The following KIFAP3 variants were observed in gnomAD, a reference collection of about 807,000 sequenced individuals.
The protein encoded by KIFAP3 is kinesin-associated protein 3.
KIFAP3 carries 68 observed loss-of-function variants against 106.5 expected under a neutral mutation model. That is an observed-to-expected ratio of 0.64 (90% CI 0.53 to 0.78). KIFAP3 has a LOEUF of 0.78. Among genes scored for constraint, KIFAP3 ranks in the 30% least tolerant of loss-of-function variants. The probability of loss-of-function intolerance (pLI) is 0.00; values close to 1 mark genes in which losing one functional copy is unlikely to be tolerated. For missense variants in KIFAP3, 780 were observed against 941.8 expected (o/e 0.83, Z 2.25); for synonymous variants, 320 against 311.5 (o/e 1.03, Z -0.29).
upstream of KIFAP3, among the ~76,000 whole-genome samples, chr1:170,079,082 A>C (rs1479997219): frequency 6.6e-6 from 1 of 152,198 alleles, no homozygotes; most frequent in African/African-American, 2.4e-5. Context: ...CCAATGTTGG[A>C]GACAGGGCCT....
At chr1:170,079,008 AT>A (rs1557885677), upstream of KIFAP3, among the ~76,000 whole-genome samples, 1 of 152,176 alleles carries the variant, frequency 6.6e-6, no homozygotes, top group African/African-American at 2.4e-5. Context: ...CCAATAATTA[AT>A]TTGCCATATT....
chr1:170,026,147 T>C (rs1247777134), intron 8 of KIFAP3, among the ~76,000 whole-genome samples: 1 of 152,076 alleles, frequency 6.6e-6, no homozygotes, highest in Non-Finnish European at 1.5e-5. Flanking sequence ...CACCAAAAGC[T>C]AGAAAGAGAC....
chr1:170,029,104 G>A (rs2102036069), intron 8 of KIFAP3, among the ~76,000 whole-genome samples: 1 of 152,074 alleles, frequency 6.6e-6, no homozygotes, highest in African/African-American at 2.4e-5. Flanking sequence ...CATAAGAAAA[G>A]GTAGATTTCA....
At chr1:170,041,358 C>T (rs551189086) in intron 3 of KIFAP3, among the ~76,000 whole-genome samples, 1 of 152,032 alleles carries the variant, frequency 6.6e-6, no homozygotes, top group African/African-American at 2.4e-5. Flanking sequence ...TTTAAGAGCA[C>T]CAGCTGGGCA....
upstream of KIFAP3, chr1:170,074,750 T>A: frequency 1.5e-6 from 2 of 1,321,300 alleles, no homozygotes; most frequent in Non-Finnish European, 1.9e-6. Flanking sequence ...ATGCGCAGGC[T>A]CAGTCTGAGG....
At chr1:169,955,063 A>G (rs902658337) in intron 18 of KIFAP3, among the ~76,000 whole-genome samples, 3 of 152,196 alleles carry the variant, frequency 2.0e-5, no homozygotes, top group Non-Finnish European at 4.4e-5. Context: ...ACGTTAGTAT[A>G]CTGCTTTTGT....
At chr1:170,052,178 C>A (rs1557865842) in intron 2 of KIFAP3, among the ~76,000 whole-genome samples, 1 of 152,030 alleles carries the variant, frequency 6.6e-6, no homozygotes, top group South Asian at 2.1e-4. Context: ...CACAGAAATA[C>A]AAACTACCAT....
chr1:169,948,695 A>G (rs1226094444), intron 19 of KIFAP3, among the ~76,000 whole-genome samples: 1 of 152,026 alleles, frequency 6.6e-6, no homozygotes, highest in Non-Finnish European at 1.5e-5. Context: ...AAAATTGATA[A>G]AGGACTTATC....
chr1:169,943,150 C>T (rs1664234119), intron 19 of KIFAP3, among the ~76,000 whole-genome samples: 1 of 151,904 alleles, frequency 6.6e-6, no homozygotes, highest in African/African-American at 2.4e-5. Flanking sequence ...TTACAGAGCC[C>T]ATATGGCTCA....
upstream of KIFAP3, among the ~76,000 whole-genome samples, chr1:170,075,250 A>G (rs1671875838): frequency 6.6e-6 from 1 of 152,250 alleles, no homozygotes; most frequent in Non-Finnish European, 1.5e-5. Context: ...TTAGCAGTGC[A>G]GGGCATAGGA....
At chr1:170,048,227 T>C (rs185171100) in intron 2 of KIFAP3, among the ~76,000 whole-genome samples, 25 of 152,232 alleles carry the variant, frequency 1.6e-4, no homozygotes, top group African/African-American at 5.5e-4. Context: ...TGTTTAAATT[T>C]GCTAGAGTGC....
At chr1:169,935,751 T>C (rs1243967236) in intron 19 of KIFAP3, among the ~76,000 whole-genome samples, 2 of 151,926 alleles carry the variant, frequency 1.3e-5, no homozygotes, top group Non-Finnish European at 2.9e-5. Context: ...TACACACAGA[T>C]TTTACATATA....
chr1:169,928,699 CAAAAAA>C (rs10690029), intron 19 of KIFAP3, among the ~76,000 whole-genome samples: 3 of 37,784 alleles, frequency 7.9e-5, no homozygotes, highest in Admixed American at 9.6e-4. Context: ...ACCCTGTCTC[CAAAAAA>C]AAAAAAAAAA....
chr1:170,005,421 G>A (rs879956946), intron 10 of KIFAP3, among the ~76,000 whole-genome samples: 22 of 151,850 alleles, frequency 1.4e-4, no homozygotes, highest in Admixed American at 7.2e-4. Context: ...TGTTTATTGC[G>A]GCACTATTCA....
At chr1:169,945,481 G>A (rs1351364043) in intron 19 of KIFAP3, among the ~76,000 whole-genome samples, 2 of 152,198 alleles carry the variant, frequency 1.3e-5, no homozygotes, top group African/African-American at 4.8e-5. Context: ...AGTGTCAGCT[G>A]CGCCTCCCCA....
At position 169,982,830 on chromosome 1, in the gene KIFAP3, T is replaced by C. The variant is rs1553280212; in HGVS notation, c.1544A>G (p.Asp515Gly). The C allele has an allele frequency of 3.1e-6, 5 of 1,602,662 alleles. No individual in the cohort carries two copies. In the Admixed American group the frequency reaches 5.1e-5, roughly 16 times the overall value. ...VGDLAAQISN[D>G]EEEEFVIECL... ...TTCAATCACAAACTCCTCTTCTTCATCATTAGAGATCTGGGCTGCAAGGTC... is the reference window on the plus strand; with the variant it reads ...TTCAATCACAAACTCCTCTTCTTCACCATTAGAGATCTGGGCTGCAAGGTC... The change falls in exon 14 of 20, where the codon GAT (aspartate) becomes GGT (glycine). Residue 515 changes from aspartate (D) to glycine (G), a missense_variant. By Grantham distance (94) the Asp-to-Gly change is moderately conservative. Transcript: ENST00000361580.
intron 18 of KIFAP3, among the ~76,000 whole-genome samples, chr1:169,956,459 G>GA (rs1283265204): frequency 6.6e-6 from 1 of 152,006 alleles, no homozygotes; most frequent in Non-Finnish European, 1.5e-5. Flanking sequence ...CAGGGCACTA[G>GA]AAAATGGGCG....
At chr1:170,011,472 T>C (rs1444087928) in intron 10 of KIFAP3, among the ~76,000 whole-genome samples, 1 of 133,362 alleles carries the variant, frequency 7.5e-6, no homozygotes, top group Non-Finnish European at 1.8e-5. Flanking sequence ...TAATTACATA[T>C]ATTAAACAAA....
chr1:169,961,357 A>G, intron 17 of KIFAP3, 122 bp from the exon 18 acceptor site: 1 of 640,958 alleles, frequency 1.6e-6, no homozygotes, highest in Non-Finnish European at 2.7e-6. Flanking sequence ...AGCACTACAA[A>G]TACCTGTTCA....
Sources: gnomAD v4.1 joint callset for allele counts (sites outside exome capture counted in the v4.1 genomes callset) on GRCh38, gnomAD v4.1.1 for gene constraint, MANE v1.5 for transcripts, NCBI Gene and HGNC (gene_info 2026-07-23, HGNC 2026-07-21) for gene names.